The following FAR2 variants were observed in gnomAD, a reference collection of about 807,000 sequenced individuals.
FAR2 encodes the protein epididymis secretory protein Li 81.
A neutral mutation model predicts 56.0 loss-of-function variants in FAR2; 19 were observed. The observed-to-expected ratio is 0.34, with a 90% CI of 0.24 to 0.50. The LOEUF (loss-of-function observed/expected upper bound fraction) is 0.50, where lower values mean the gene tolerates loss of function less well. Ranked by LOEUF, FAR2 falls within the 20% of genes least tolerant of loss-of-function variation. The pLI, the probability that FAR2 is intolerant of heterozygous loss-of-function variation, is 0.98. For synonymous variants in FAR2, 219 were observed against 218.8 expected (o/e 1.00, Z -0.01); for missense variants, 508 against 642.2 (o/e 0.79, Z 2.26).
intron 1 of FAR2, among the ~76,000 whole-genome samples, chr12:29,178,221 A>G (rs1037754516): frequency 6.6e-6 from 1 of 152,174 alleles, no homozygotes; most frequent in African/African-American, 2.4e-5. Flanking sequence ...ATTCATTCCC[A>G]GTACCACCAC....
At chr12:29,210,914 G>A (rs977917804) in intron 1 of FAR2, among the ~76,000 whole-genome samples, 1 of 150,998 alleles carries the variant, frequency 6.6e-6, no homozygotes, top group African/African-American at 2.4e-5. Context: ...CCACTGTACT[G>A]GGTGTGACAG....
intron 1 of FAR2, among the ~76,000 whole-genome samples, chr12:29,151,010 A>T (rs914681317): frequency 1.1e-4 from 16 of 152,204 alleles, no homozygotes; most frequent in African/African-American, 3.9e-4. Context: ...AAAATGGCTT[A>T]TATTAGGGTA....
intron 9 of FAR2, chr12:29,317,564 AAAGG>A (rs1363591070): frequency 2.0e-5 from 3 of 152,612 alleles, no homozygotes; most frequent in African/African-American, 7.2e-5. Context: ...CCAGCACAAT[AAAGG>A]AAGGTAAATG....
intron 1 of FAR2, among the ~76,000 whole-genome samples, chr12:29,269,244 A>G (rs1042089520): frequency 6.6e-6 from 1 of 152,146 alleles, no homozygotes; most frequent in Non-Finnish European, 1.5e-5. Flanking sequence ...CCAGGCGCGT[A>G]TTCTCCTTCT....
intron 11 of FAR2, chr12:29,333,430 G>T: frequency 1.9e-6 from 1 of 526,056 alleles, no homozygotes; most frequent in Non-Finnish European, 3.4e-6. Flanking sequence ...AGAAATTAGG[G>T]AAATATGGTA....
chr12:29,259,965 G>C (rs1948388845), intron 1 of FAR2, among the ~76,000 whole-genome samples: 1 of 152,166 alleles, frequency 6.6e-6, no homozygotes, highest in South Asian at 2.1e-4. Flanking sequence ...AGTAGTCTGA[G>C]AAAATATGAA....
intron 1 of FAR2, among the ~76,000 whole-genome samples, chr12:29,184,723 C>T (rs1950023860): frequency 6.6e-6 from 1 of 152,158 alleles, no homozygotes; most frequent in South Asian, 2.1e-4. Flanking sequence ...AGGCGTGAGC[C>T]ACTGAGCCCG....
At chr12:29,289,333 C>T (rs1313892833) in intron 2 of FAR2, among the ~76,000 whole-genome samples, 2 of 152,084 alleles carry the variant, frequency 1.3e-5, no homozygotes, top group Non-Finnish European at 2.9e-5. Context: ...ATGGTACCAG[C>T]ATAAAAACAG....
Position 29,241,805 on chromosome 12 carries a change from C to T in FAR2, c.-38-28607C>T, listed in dbSNP as rs575330226. 1.8e-4 allele frequency among the ~76,000 whole-genome samples: 27 copies of T among 152,278 alleles called. No homozygotes were observed. The South Asian group carries it at 5.0e-3, about 28-fold the overall frequency. ...TGCCGTTTTTCCTGCTTTTCATTTC[C>T]GAGGAGGCAGGAGCACCTCAGATGC... On this transcript the variant is annotated intron_variant, in intron 1 of 11. Transcript: ENST00000536681.
chr12:29,303,182 TAC>T (rs1174255166), intron 4 of FAR2, among the ~76,000 whole-genome samples: 5 of 152,164 alleles, frequency 3.3e-5, no homozygotes, highest in African/African-American at 1.2e-4. Context: ...ATGTTGAAAA[TAC>T]AGATTATCAG....
chr12:29,333,249 G>A (rs1329487698), intron 11 of FAR2: 1 of 233,328 alleles, frequency 4.3e-6, no homozygotes, highest in Non-Finnish European at 8.4e-6. Context: ...TAAAAAAGTA[G>A]CTTGCAAAAC....
At chr12:29,211,714 G>C (rs1947551703) in intron 1 of FAR2, among the ~76,000 whole-genome samples, 1 of 151,990 alleles carries the variant, frequency 6.6e-6, no homozygotes. Context: ...GATTGAAAAA[G>C]ATGGTGCTAT....
At chr12:29,171,308 G>A (rs1356169178) in intron 1 of FAR2, 1 of 152,508 alleles carries the variant, frequency 6.6e-6, no homozygotes, top group African/African-American at 2.4e-5. Context: ...GTGCTGTCCA[G>A]TGATTGCCTC....
chr12:29,277,135 G>T (rs138802395), intron 2 of FAR2, among the ~76,000 whole-genome samples: 1 of 152,032 alleles, frequency 6.6e-6, no homozygotes, highest in African/African-American at 2.4e-5. Context: ...CTGCCACCGC[G>T]CCTGGCTAAT....
Position 29,181,733 on chromosome 12 carries a change from A to G in FAR2, c.-39+32326A>G, listed in dbSNP as rs550477525. Among the ~76,000 whole-genome samples, 128 of 152,338 alleles carry G rather than the reference A, an allele frequency of 8.4e-4. 1 individual carries two copies. The highest frequency in any genetic ancestry group is 2.9e-3 in the African/African-American group (121 of 41,562). On this transcript the variant is annotated intron_variant, in intron 1 of 11. Transcript: ENST00000536681. ...TGGATACCCTTCTGCCTTTCAGGCA[A>G]TTCACACCCTAATTATTTTTTCTGT... is the stretch of plus-strand genomic sequence containing the variant.
chr12:29,193,650 T>C (rs1438717614), intron 1 of FAR2, among the ~76,000 whole-genome samples: 2 of 152,220 alleles, frequency 1.3e-5, no homozygotes, highest in Non-Finnish European at 2.9e-5. Context: ...ACTCACCTAC[T>C]GAAGGACATA....
intron 1 of FAR2, among the ~76,000 whole-genome samples, chr12:29,269,200 G>A (rs1398161653): frequency 1.3e-5 from 2 of 152,190 alleles, no homozygotes; most frequent in African/African-American, 2.4e-5. Flanking sequence ...AAAGACAGGT[G>A]CACCTTGGGG....
intron 1 of FAR2, among the ~76,000 whole-genome samples, chr12:29,222,687 T>C (rs1947709313): frequency 1.3e-5 from 2 of 152,104 alleles, no homozygotes; most frequent in East Asian, 3.9e-4. Flanking sequence ...TAAAGCAGGG[T>C]TCAGGAGGTC....
intron 1 of FAR2, among the ~76,000 whole-genome samples, chr12:29,235,830 G>C (rs977700925): frequency 6.6e-6 from 1 of 152,058 alleles, no homozygotes; most frequent in Non-Finnish European, 1.5e-5. Flanking sequence ...GGTGCTGCTG[G>C]TCACTACCAT....
Sources: gnomAD v4.1 joint callset for allele counts (sites outside exome capture counted in the v4.1 genomes callset) on GRCh38, gnomAD v4.1.1 for gene constraint, MANE v1.5 for transcripts, NCBI Gene and HGNC (gene_info 2026-07-23, HGNC 2026-07-21) for gene names.